Variants in EPC2 observed in about 807,000 individuals in gnomAD.
EPC2 encodes enhancer of polycomb 2.
EPC2 carries 14 observed loss-of-function variants against 92.1 expected under a neutral mutation model. The observed-to-expected ratio is 0.15, with a 90% CI of 0.10 to 0.24. EPC2 has a LOEUF of 0.24. Ranked by LOEUF, EPC2 falls within the 10% of genes least tolerant of loss-of-function variation. The pLI, the probability that EPC2 is intolerant of heterozygous loss-of-function variation, is 1.00. For missense variants in EPC2, 755 were observed against 971.5 expected, an observed-to-expected ratio of 0.78 and a Z score of 2.96; for synonymous variants, 340 against 334.7, an observed-to-expected ratio of 1.02 and a Z score of -0.17.
chr2:148,763,620 A>G (rs1293500428), intron 6 of EPC2, among the ~76,000 whole-genome samples: 1 of 152,168 alleles, frequency 6.6e-6, no homozygotes. Context: ...AAAGGTCAAG[A>G]AAGAGTGTGG....
intron 1 of EPC2, among the ~76,000 whole-genome samples, chr2:148,657,980 C>T (rs1680841644): frequency 2.0e-5 from 3 of 151,564 alleles, no homozygotes; most frequent in Admixed American, 2.0e-4. Context: ...TTTCATTATT[C>T]GAGATAGTTA....
chr2:148,761,662 G>C (rs1424138008), intron 4 of EPC2, 120 bp from the exon 5 acceptor site: 1 of 648,274 alleles, frequency 1.5e-6, no homozygotes, highest in Non-Finnish European at 2.4e-6. Context: ...TTGCTGTTCA[G>C]ATTTTTTTTA....
chr2:148,646,923 A>G (rs1683814180), intron 1 of EPC2, among the ~76,000 whole-genome samples: 1 of 152,126 alleles, frequency 6.6e-6, no homozygotes, highest in Non-Finnish European at 1.5e-5. Context: ...CAGCCTGGCC[A>G]GTATGGTGAA....
Position 148,770,867 on chromosome 2 carries a change from T to C in EPC2, c.1306T>C (p.Cys436Arg). The C allele has an allele frequency of 6.2e-7, 1 of 1,613,934 alleles. No individual in the cohort carries two copies. Among genetic ancestry groups the C allele is most frequent in the Non-Finnish European group, 8.5e-7 (1 of 1,179,858 alleles). Residue 436 changes from cysteine (C) to arginine (R), a missense_variant, in exon 9 of 14, where the codon TGC becomes CGC. By Grantham distance (180) the Cys-to-Arg change is radical. Transcript: ENST00000258484. Reference protein sequence around the residue: ...ADLDKLRYRHCLTTLTVPRRC... With the variant: ...ADLDKLRYRHRLTTLTVPRRC... ...TTTGGATAAGTTGAGGTATAGGCATTGCCTTACAACACTTACAGTCCCAAG... is the reference window on the plus strand; with the variant it reads ...TTTGGATAAGTTGAGGTATAGGCATCGCCTTACAACACTTACAGTCCCAAG...
chr2:148,654,183 G>A lies in EPC2; in HGVS notation c.153+9013G>A, dbSNP rs941854528. Among the ~76,000 whole-genome samples, 4 of 152,006 alleles carry A rather than the reference G, an allele frequency of 2.6e-5. No homozygotes were observed. The East Asian group carries it at 5.8e-4, about 22-fold the overall frequency. Reference sequence around the variant, plus strand: ...AGAATGGTCTTGATCTCTTGACCTCGTGATCTGCCTGCTTCTGCCTCCCAA... The same window carrying A: ...AGAATGGTCTTGATCTCTTGACCTCATGATCTGCCTGCTTCTGCCTCCCAA... On this transcript the variant is annotated intron_variant, in intron 1 of 13. Coordinates refer to ENST00000258484, the MANE Select transcript of EPC2 (RefSeq NM_015630.4).
intron 8 of EPC2, 21 bp downstream of exon 8, chr2:148,769,261 G>A (rs1200546429): frequency 1.3e-6 from 2 of 1,572,488 alleles, no homozygotes; most frequent in Non-Finnish European, 1.7e-6. Context: ...TTGTGTGTGT[G>A]TGGTGTTTTT....
intron 2 of EPC2, among the ~76,000 whole-genome samples, chr2:148,715,022 AG>A (rs1343579769): frequency 4.0e-5 from 4 of 100,246 alleles, no homozygotes; most frequent in Non-Finnish European, 8.3e-5. Context: ...ATTTTCTTCT[AG>A]GGTTTTTTTT....
At chr2:148,747,987 T>C (rs1406554270) in intron 3 of EPC2, among the ~76,000 whole-genome samples, 2 of 152,124 alleles carry the variant, frequency 1.3e-5, no homozygotes, top group African/African-American at 2.4e-5. Flanking sequence ...TCAAATATCA[T>C]GTGGAATTGT....
At chr2:148,697,404 T>C (rs1681770659) in intron 2 of EPC2, among the ~76,000 whole-genome samples, 1 of 152,114 alleles carries the variant, frequency 6.6e-6, no homozygotes, top group Non-Finnish European at 1.5e-5. Flanking sequence ...GATGCACTGT[T>C]CTCATTTGGC....
At chr2:148,665,525 T>C (rs1417122166) in intron 1 of EPC2, among the ~76,000 whole-genome samples, 5 of 152,184 alleles carry the variant, frequency 3.3e-5, no homozygotes, top group Admixed American at 1.3e-4. Context: ...CAATTAGATA[T>C]GGGAACAAAA....
chr2:148,684,690 G>A (rs886339965), intron 1 of EPC2, among the ~76,000 whole-genome samples: 3 of 152,162 alleles, frequency 2.0e-5, no homozygotes, highest in Admixed American at 6.5e-5. Context: ...CCTCTACAGC[G>A]GATACCATTT....
chr2:148,704,830 A>C (rs1466333983), intron 2 of EPC2, among the ~76,000 whole-genome samples: 1 of 152,080 alleles, frequency 6.6e-6, no homozygotes, highest in Admixed American at 6.5e-5. Context: ...TTACACTTCT[A>C]ACCTGGGCCA....
At chr2:148,754,461 A>C (rs965626034) in intron 4 of EPC2, among the ~76,000 whole-genome samples, 4 of 152,182 alleles carry the variant, frequency 2.6e-5, no homozygotes, top group Non-Finnish European at 4.4e-5. Flanking sequence ...GTCCTTATGC[A>C]CCTTGGAAGT....
At chr2:148,742,986 A>G (rs1682907869) in intron 2 of EPC2, among the ~76,000 whole-genome samples, 2 of 152,108 alleles carry the variant, frequency 1.3e-5, no homozygotes, top group South Asian at 4.1e-4. Context: ...AGAAATTTAA[A>G]AAGTTTATAT....
At chr2:148,770,106 T>G (rs1024669417) in intron 8 of EPC2, among the ~76,000 whole-genome samples, 2 of 152,146 alleles carry the variant, frequency 1.3e-5, no homozygotes, top group African/African-American at 4.8e-5. Context: ...AGTGCAATGG[T>G]GCAATCATAC....
chr2:148,760,444 G>A (rs1015101223), intron 4 of EPC2, among the ~76,000 whole-genome samples: 2 of 152,084 alleles, frequency 1.3e-5, no homozygotes, highest in African/African-American at 4.8e-5. Flanking sequence ...CTGTATATCT[G>A]TTTTCTGTCT....
chr2:148,771,901 C>T (rs138278366), intron 10 of EPC2, among the ~76,000 whole-genome samples: 156 of 151,850 alleles, frequency 1.0e-3, no homozygotes, highest in African/African-American at 3.5e-3. Flanking sequence ...CGGGTTCAAG[C>T]GATTCTCCTG....
rs1683891673 is a variant in EPC2, at chr2:148,787,410, G to A, written c.*1033G>A. The A allele has an allele frequency of 6.6e-6, 1 of 152,618 alleles. No individual in the cohort carries two copies. Among genetic ancestry groups the A allele is most frequent in the African/African-American group, 2.4e-5 (1 of 41,448 alleles). The allele number at this position is 152,618 out of a possible 1,614,324, so 9.5% of individuals were successfully genotyped here. A position where few individuals can be genotyped will look rare whatever the true frequency, so the allele number is the denominator to read the frequency against. ...TGTAAGCGTTGGACACCTTCATAGT[G>A]TAGTGTTTTAGTGACTTTTTTTATA... is the stretch of plus-strand genomic sequence containing the variant. On this transcript the variant is annotated 3_prime_UTR_variant, in exon 14 of 14. Coordinates refer to ENST00000258484, the MANE Select transcript of EPC2 (RefSeq NM_015630.4).
At chr2:148,669,543 G>A (rs1681114038) in intron 1 of EPC2, among the ~76,000 whole-genome samples, 1 of 152,080 alleles carries the variant, frequency 6.6e-6, no homozygotes, top group South Asian at 2.1e-4. Context: ...TTAGCTAGGT[G>A]TGATGGTGTA....
Sources: allele counts gnomAD v4.1 joint callset (sites outside exome capture counted in the v4.1 genomes callset), GRCh38; gene constraint gnomAD v4.1.1; transcripts MANE v1.5; gene names NCBI Gene and HGNC (gene_info 2026-07-23, HGNC 2026-07-21).